Variants in TEAD1 observed in about 807,000 individuals in gnomAD.
TEAD1 encodes the protein transcriptional enhancer factor TEF-1.
Under a neutral mutation model 54.9 loss-of-function variants are expected in TEAD1, and 9 were observed. That is an observed-to-expected ratio of 0.16 (90% CI 0.10 to 0.29). TEAD1 has a LOEUF of 0.29. Among genes scored for constraint, TEAD1 ranks in the 10% least tolerant of loss-of-function variants. The pLI is 1.00. For synonymous variants in TEAD1, 200 were observed against 187.8 expected, an observed-to-expected ratio of 1.07 and a Z score of -0.53; for missense variants, 387 against 535.9, an observed-to-expected ratio of 0.72 and a Z score of 2.74.
intron 3 of TEAD1, among the ~76,000 whole-genome samples, chr11:12,781,348 C>A (rs1445531923): frequency 6.6e-6 from 1 of 151,992 alleles, no homozygotes; most frequent in Non-Finnish European, 1.5e-5. Flanking sequence ...AAAAAACTTT[C>A]CTGCTTCAAA....
chr11:12,801,110 A>G (rs1158675453), intron 3 of TEAD1, among the ~76,000 whole-genome samples: 1 of 152,240 alleles, frequency 6.6e-6, no homozygotes, highest in East Asian at 1.9e-4. Flanking sequence ...CTTGGGCTGA[A>G]AGCCTTATTA....
chr11:12,766,338 A>C (rs561509555), intron 3 of TEAD1, among the ~76,000 whole-genome samples: 1 of 152,348 alleles, frequency 6.6e-6, no homozygotes, highest in Non-Finnish European at 1.5e-5. Flanking sequence ...AATTATATAA[A>C]TATTTTTATG....
At chr11:12,848,055 C>T (rs1234005194) in intron 3 of TEAD1, among the ~76,000 whole-genome samples, 1 of 152,184 alleles carries the variant, frequency 6.6e-6, no homozygotes, top group Non-Finnish European at 1.5e-5. Flanking sequence ...GCATGGCAAC[C>T]CTAGGAGGAA....
intron 3 of TEAD1, among the ~76,000 whole-genome samples, chr11:12,804,771 G>A (rs980827814): frequency 6.6e-6 from 1 of 152,192 alleles, no homozygotes; most frequent in Non-Finnish European, 1.5e-5. Context: ...CTTTCTATGT[G>A]TTGGGATGCA....
At chr11:12,720,223 G>A (rs1413548137) in intron 2 of TEAD1, among the ~76,000 whole-genome samples, 4 of 151,950 alleles carry the variant, frequency 2.6e-5, no homozygotes, top group Non-Finnish European at 5.9e-5. Flanking sequence ...TCATTAAAAA[G>A]TTAGATCTCT....
chr11:12,828,840 A>ATT (rs58995760), intron 3 of TEAD1, among the ~76,000 whole-genome samples: 1 of 128,550 alleles, frequency 7.8e-6, no homozygotes, highest in African/African-American at 2.8e-5. Flanking sequence ...TTTGTCCTGA[A>ATT]TTTTTTTTTT....
At chr11:12,925,169 T>A in intron 11 of TEAD1, 117 bp downstream of exon 11, 1 of 1,187,524 alleles carries the variant, frequency 8.4e-7, no homozygotes, top group Non-Finnish European at 1.2e-6. Context: ...CCTTCTGTAT[T>A]AGTCCATTCT....
intron 9 of TEAD1, among the ~76,000 whole-genome samples, chr11:12,893,401 C>T (rs1054891407): frequency 6.6e-6 from 1 of 152,322 alleles, no homozygotes; most frequent in African/African-American, 2.4e-5. Flanking sequence ...GGCACACTCT[C>T]TTGTGGCAGC....
intron 5 of TEAD1, among the ~76,000 whole-genome samples, chr11:12,867,060 A>G (rs560632706): frequency 1.3e-5 from 2 of 152,288 alleles, no homozygotes; most frequent in South Asian, 4.1e-4. Context: ...AGTGACTTAC[A>G]GTATTCTGCT....
At chr11:12,723,377 G>A (rs913045324) in intron 2 of TEAD1, among the ~76,000 whole-genome samples, 1 of 152,162 alleles carries the variant, frequency 6.6e-6, no homozygotes, top group East Asian at 1.9e-4. Context: ...GTTGAGGTCA[G>A]ATTTTCTGTG....
chr11:12,817,180 C>T (rs1221205427), intron 3 of TEAD1, among the ~76,000 whole-genome samples: 2 of 152,176 alleles, frequency 1.3e-5, no homozygotes, highest in Non-Finnish European at 2.9e-5. Flanking sequence ...TATCTCACGC[C>T]TTTAAAGCCA....
rs1316242247 is a variant in TEAD1 at position 12,930,332 on chromosome 11, G to A, written c.1167+6G>A. The A allele has an allele frequency of 2.5e-6, 4 of 1,613,962 alleles. No homozygotes were observed. Among genetic ancestry groups the A allele is most frequent in the Non-Finnish European group, 3.4e-6 (4 of 1,179,982 alleles). ...AAAACTTCACAATTTTATTGGTAAT[G>A]GTTTTGTCTCTTTCCTCTGTGGGCA... is the stretch of plus-strand genomic sequence containing the variant. On this transcript the variant is annotated splice_donor_region_variant and intron_variant, in intron 12 of 12. Coordinates refer to ENST00000527636, the MANE Select transcript of TEAD1 (RefSeq NM_021961.6).
chr11:12,878,896 G>A (rs952567329), intron 5 of TEAD1: 11 of 1,285,666 alleles, frequency 8.6e-6, no homozygotes, highest in Admixed American at 4.7e-5. Context: ...CAGGTAACAA[G>A]CATGGTAAGT....
At chr11:12,725,223 G>A (rs576489563) in intron 2 of TEAD1, among the ~76,000 whole-genome samples, 12 of 152,306 alleles carry the variant, frequency 7.9e-5, no homozygotes, top group Non-Finnish European at 1.6e-4. Flanking sequence ...GAGGTTAAAT[G>A]GAATGTCCAT....
chr11:12,922,626 C>T (rs951722380), intron 10 of TEAD1: 2 of 152,030 alleles, frequency 1.3e-5, no homozygotes, highest in African/African-American at 4.8e-5. Context: ...AAAAATTAGC[C>T]AGTCAGAATC....
intron 5 of TEAD1, among the ~76,000 whole-genome samples, chr11:12,874,965 T>C (rs1159529661): frequency 6.6e-6 from 1 of 152,156 alleles, no homozygotes; most frequent in Non-Finnish European, 1.5e-5. Context: ...CAAACATTTT[T>C]CTAGGATGCA....
In TEAD1 at chr11:12,678,359, T is replaced by C. The variant is rs181650446; in HGVS notation, c.-55+2798T>C. ...ATTCCCCTTTGACAAACCTAGGCTG[T>C]GCTGCTGCTGGGCTGCTTGGGGACA... On this transcript the variant is annotated intron_variant, in intron 2 of 12. Coordinates refer to ENST00000527636, the MANE Select transcript of TEAD1 (RefSeq NM_021961.6). Among the ~76,000 whole-genome samples the C allele has an allele frequency of 1.2e-3, 182 of 152,346 alleles. 6 individuals carry two copies. Among genetic ancestry groups the C allele is most frequent in the Admixed American group, 9.7e-3 (149 of 15,304 alleles).
At chr11:12,852,778 ATGG>A (rs1947302281) in intron 3 of TEAD1, among the ~76,000 whole-genome samples, 2 of 152,088 alleles carry the variant, frequency 1.3e-5, no homozygotes, top group Admixed American at 1.3e-4. Context: ...CTTTAAGTGT[ATGG>A]GATACCAAGA....
At chr11:12,882,431 A>AC (rs1400883336) in intron 8 of TEAD1, among the ~76,000 whole-genome samples, 4 of 151,592 alleles carry the variant, frequency 2.6e-5, no homozygotes, top group Non-Finnish European at 5.9e-5. Flanking sequence ...CACAAGGCGC[A>AC]CCCCCCATCC....
Sources: gnomAD v4.1 joint callset for allele counts (sites outside exome capture counted in the v4.1 genomes callset) on GRCh38, gnomAD v4.1.1 for gene constraint, MANE v1.5 for transcripts, NCBI Gene and HGNC (gene_info 2026-07-23, HGNC 2026-07-21) for gene names.